Variants in CACNA2D3 observed in about 807,000 individuals in gnomAD.
CACNA2D3 encodes calcium voltage-gated channel auxiliary subunit alpha2delta 3.
A neutral mutation model predicts 160.6 loss-of-function variants in CACNA2D3; 60 were observed. That is an observed-to-expected ratio of 0.37 (90% confidence interval 0.30 to 0.46). The LOEUF (loss-of-function observed/expected upper bound fraction) is 0.46, where lower values mean the gene tolerates loss of function less well. Among genes scored for constraint, CACNA2D3 ranks in the 20% least tolerant of loss-of-function variants. CACNA2D3 has a pLI of 1.00. For missense variants in CACNA2D3, 1,205 were observed against 1,365.0 expected (o/e 0.88, Z 1.85); for synonymous variants, 558 against 492.9 (o/e 1.13, Z -1.75).
intron 35 of CACNA2D3, among the ~76,000 whole-genome samples, chr3:55,038,545 C>T (rs560430267): frequency 6.6e-6 from 1 of 152,168 alleles, no homozygotes; most frequent in Admixed American, 6.5e-5. Flanking sequence ...GGTATACGCA[C>T]ATATTAATAT....
At chr3:54,820,611 T>A (rs902246915) in intron 14 of CACNA2D3, among the ~76,000 whole-genome samples, 1 of 152,156 alleles carries the variant, frequency 6.6e-6, no homozygotes, top group Non-Finnish European at 1.5e-5. Context: ...CTAAAAAATA[T>A]GTAGCAATAC....
At chr3:54,304,099 A>G (rs1703542559) in intron 2 of CACNA2D3, among the ~76,000 whole-genome samples, 1 of 151,984 alleles carries the variant, frequency 6.6e-6, no homozygotes, top group Non-Finnish European at 1.5e-5. Context: ...TGTACTTTGC[A>G]GGATGTTTAG....
intron 35 of CACNA2D3, among the ~76,000 whole-genome samples, chr3:55,057,028 A>G (rs1312929195): frequency 6.6e-6 from 1 of 152,204 alleles, no homozygotes; most frequent in African/African-American, 2.4e-5. Context: ...CCCAAATCTC[A>G]TCTTGAATTG....
chr3:54,902,067 T>C (rs1337997525), intron 27 of CACNA2D3, among the ~76,000 whole-genome samples: 1 of 152,224 alleles, frequency 6.6e-6, no homozygotes, highest in Non-Finnish European at 1.5e-5. Context: ...AGCAGGCTTT[T>C]CTCCCATCAG....
chr3:54,211,064 G>A (rs1474617537), intron 2 of CACNA2D3, among the ~76,000 whole-genome samples: 1 of 152,082 alleles, frequency 6.6e-6, no homozygotes, highest in Non-Finnish European at 1.5e-5. Context: ...TTTTCCCTTT[G>A]TCCAATAATC....
At chr3:54,468,531 C>T (rs1700669613) in intron 4 of CACNA2D3, among the ~76,000 whole-genome samples, 1 of 152,190 alleles carries the variant, frequency 6.6e-6, no homozygotes, top group African/African-American at 2.4e-5. Flanking sequence ...GAGCTAGCTG[C>T]AGTTTTTTTC....
intron 2 of CACNA2D3, among the ~76,000 whole-genome samples, chr3:54,292,247 A>C (rs1575375147): frequency 6.6e-6 from 1 of 152,236 alleles, no homozygotes; most frequent in South Asian, 2.1e-4. Context: ...CATAGATGTC[A>C]AATTTCATGA....
At chr3:54,669,716 T>C (rs1700124897) in intron 11 of CACNA2D3, among the ~76,000 whole-genome samples, 1 of 152,120 alleles carries the variant, frequency 6.6e-6, no homozygotes, top group Non-Finnish European at 1.5e-5. Context: ...TAGAGGAAGT[T>C]GGGACAATGA....
intron 5 of CACNA2D3, among the ~76,000 whole-genome samples, chr3:54,543,850 A>G (rs543744243): frequency 1.1e-4 from 16 of 152,366 alleles, no homozygotes; most frequent in Admixed American, 6.5e-4. Flanking sequence ...GCCTCTGTGC[A>G]TCTGTTATAT....
intron 11 of CACNA2D3, among the ~76,000 whole-genome samples, chr3:54,736,665 T>C (rs962174198): frequency 6.6e-5 from 10 of 152,348 alleles, no homozygotes; most frequent in Non-Finnish European, 1.2e-4. Context: ...TTGAACATCT[T>C]GTTCTCTGTC....
intron 27 of CACNA2D3, among the ~76,000 whole-genome samples, chr3:54,917,971 G>A (rs887987382): frequency 1.3e-5 from 2 of 152,306 alleles, no homozygotes; most frequent in Middle Eastern, 3.4e-3. Context: ...AAGTATCACT[G>A]ATCTAGCATG....
At chr3:54,684,993 A>C (rs1700423559) in intron 11 of CACNA2D3, among the ~76,000 whole-genome samples, 1 of 152,162 alleles carries the variant, frequency 6.6e-6, no homozygotes. Context: ...GCAAGACATG[A>C]AAACCCTGAC....
intron 26 of CACNA2D3, among the ~76,000 whole-genome samples, chr3:54,897,300 T>G (rs1463285488): frequency 6.6e-6 from 1 of 152,202 alleles, no homozygotes; most frequent in Non-Finnish European, 1.5e-5. Context: ...AAGGACTGAC[T>G]TTGTATAACC....
chr3:54,619,469 TTCATTGTTC>T (rs1698933849), intron 9 of CACNA2D3, among the ~76,000 whole-genome samples: 1 of 152,222 alleles, frequency 6.6e-6, no homozygotes, highest in Non-Finnish European at 1.5e-5. Context: ...TGAAATAATG[TTCATTGTTC>T]ACATCCAGGA....
At chr3:54,681,380 T>TAAAA (rs1700346525) in intron 11 of CACNA2D3, among the ~76,000 whole-genome samples, 2 of 4,036 alleles carry the variant, frequency 5.0e-4, no homozygotes, top group Non-Finnish European at 4.5e-4. Flanking sequence ...CTACTAAAAA[T>TAAAA]ACAAAAAAAA....
intron 2 of CACNA2D3, among the ~76,000 whole-genome samples, chr3:54,288,939 T>C (rs1012769111): frequency 3.3e-5 from 5 of 152,152 alleles, no homozygotes; most frequent in Non-Finnish European, 7.4e-5. Flanking sequence ...AAGAGCTATC[T>C]ATGACAAACC....
At chr3:54,572,471 T>C (rs1165970044) in intron 8 of CACNA2D3, among the ~76,000 whole-genome samples, 1 of 152,216 alleles carries the variant, frequency 6.6e-6, no homozygotes, top group Non-Finnish European at 1.5e-5. Context: ...CTATGTGGCA[T>C]GGAGACAGAG....
At chr3:55,009,482 A>T in intron 34 of CACNA2D3, 39 bp downstream of exon 34, 5 of 1,580,316 alleles carry the variant, frequency 3.2e-6, no homozygotes, top group Non-Finnish European at 4.4e-6. Flanking sequence ...GCTTGGAGGG[A>T]TAAGCGCTGG....
intron 2 of CACNA2D3, among the ~76,000 whole-genome samples, chr3:54,173,888 C>T (rs963537951): frequency 6.6e-6 from 1 of 152,136 alleles, no homozygotes; most frequent in Non-Finnish European, 1.5e-5. Context: ...TTGTAAATCC[C>T]TGTGAGCTTG....
Sources: gnomAD v4.1 joint callset for allele counts (sites outside exome capture counted in the v4.1 genomes callset) on GRCh38, gnomAD v4.1.1 for gene constraint, MANE v1.5 for transcripts, NCBI Gene and HGNC (gene_info 2026-07-23, HGNC 2026-07-21) for gene names.